Variants in MAPK14 observed in about 807,000 individuals in gnomAD.
The protein encoded by MAPK14 is mitogen-activated protein kinase 14, also known as CSAID-binding protein.
In MAPK14, 16 loss-of-function variants were observed where a neutral mutation model predicts 49.6. The ratio of observed to expected loss-of-function variants is 0.32; its 90% CI spans 0.22 to 0.49. MAPK14 has a LOEUF of 0.49. Among genes scored for constraint, MAPK14 ranks in the 20% least tolerant of loss-of-function variants. The pLI is 0.99. For missense variants in MAPK14, 200 were observed against 441.2 expected (o/e 0.45, Z 4.90); for synonymous variants, 142 against 158.0 (o/e 0.90, Z 0.76).
At chr6:36,088,405 T>A (rs935542253) in intron 8 of MAPK14, among the ~76,000 whole-genome samples, 3 of 151,972 alleles carry the variant, frequency 2.0e-5, no homozygotes, top group Non-Finnish European at 2.9e-5. Context: ...TTTAAACAAA[T>A]TTACAAGGAA....
At chr6:36,114,705 G>T (rs774524183), downstream of MAPK14, among the ~76,000 whole-genome samples, 1 of 151,852 alleles carries the variant, frequency 6.6e-6, no homozygotes, top group Non-Finnish European at 1.5e-5. Flanking sequence ...TATTTTTAGG[G>T]GAAATATGTT....
intron 1 of MAPK14, among the ~76,000 whole-genome samples, chr6:36,042,474 ATCTTTTTTT>A (rs1762998561): frequency 8.2e-6 from 1 of 122,638 alleles, no homozygotes; most frequent in African/African-American, 3.0e-5. Flanking sequence ...GTGAAGGAAT[ATCTTTTTTT>A]TTTTTTTTTT....
At position 36,047,669 on chromosome 6, in the gene MAPK14, C is replaced by A. The variant is rs117091294; in HGVS notation, c.117-5030C>A. Among the ~76,000 whole-genome samples the A allele has an allele frequency of 5.8e-4, 88 of 152,192 alleles. No homozygotes were observed. In the East Asian group the frequency reaches 0.016, roughly 28 times the overall value. ...ACAAGGTTGAGCAGCTTCAGCCTTC[C>A]TGGGCTCAAGCAATCTTCCTGCCTC... is the stretch of plus-strand genomic sequence containing the variant. On this transcript the variant is annotated intron_variant, in intron 1 of 11. Transcript: ENST00000229794.
chr6:36,042,479 T>A (rs1763000192), intron 1 of MAPK14, among the ~76,000 whole-genome samples: 1 of 105,094 alleles, frequency 9.5e-6, no homozygotes, highest in East Asian at 2.6e-4. Context: ...GGAATATCTT[T>A]TTTTTTTTTT....
intron 9 of MAPK14, among the ~76,000 whole-genome samples, chr6:36,101,920 T>G (rs1439168887): frequency 1.3e-5 from 2 of 152,222 alleles, no homozygotes; most frequent in African/African-American, 4.8e-5. Flanking sequence ...GTGGTTAAGA[T>G]AGACAGCAGA....
chr6:36,124,144 C>G, the MAPK14 span, among the ~76,000 whole-genome samples: 90 of 108,784 alleles, frequency 8.3e-4, 1 homozygote, highest in Admixed American at 4.5e-3. Context: ...CCCTCCCTCC[C>G]TCCCTCCCTT....
chr6:36,114,726 T>A (rs1199919619), downstream of MAPK14, among the ~76,000 whole-genome samples: 1 of 152,020 alleles, frequency 6.6e-6, no homozygotes, highest in African/African-American at 2.4e-5. Context: ...TGGTACTGAA[T>A]AAAGGTCATT....
intron 2 of MAPK14, among the ~76,000 whole-genome samples, chr6:36,054,555 T>C (rs1247200016): frequency 6.6e-6 from 1 of 152,212 alleles, no homozygotes; most frequent in East Asian, 1.9e-4. Flanking sequence ...TAGATATCAG[T>C]GATTTGTTAT....
chr6:36,039,364 T>C (rs976886687), intron 1 of MAPK14, among the ~76,000 whole-genome samples: 7 of 152,220 alleles, frequency 4.6e-5, no homozygotes, highest in African/African-American at 1.7e-4. Context: ...CCTGAACATG[T>C]TGGCTCCTGT....
In MAPK14 at chr6:36,067,303, C is replaced by G. The variant is rs374563248; in HGVS notation, c.306-5570C>G. ...TAATTCACTTCTTCCTAAGTCTGTG[C>G]TGGGACCCTCTCCTGTGTGTTCTCC... On this transcript the variant is annotated intron_variant, in intron 3 of 11. Coordinates refer to ENST00000229794, the MANE Select transcript of MAPK14 (RefSeq NM_139012.3). Among the ~76,000 whole-genome samples, 180 of 152,254 alleles carry G rather than the reference C, an allele frequency of 1.2e-3. 3 individuals carry two copies. The South Asian group carries it at 0.036, about 30-fold the overall frequency.
intron 5 of MAPK14, 62 bp from the exon 6 acceptor site, chr6:36,073,987 T>C (rs1764415608): frequency 8.2e-7 from 1 of 1,214,412 alleles, no homozygotes; most frequent in Non-Finnish European, 1.2e-6. Context: ...TTATTACCTG[T>C]AGGGGGAGAA....
chr6:36,115,927 CAAAAA>C (rs60613902), downstream of MAPK14, among the ~76,000 whole-genome samples: 3 of 106,354 alleles, frequency 2.8e-5, no homozygotes, highest in Admixed American at 2.0e-4. Flanking sequence ...GACTCCGTCT[CAAAAA>C]AAAAAAAAAA....
chr6:36,088,461 G>T (rs564786437), intron 8 of MAPK14, among the ~76,000 whole-genome samples: 1 of 152,294 alleles, frequency 6.6e-6, no homozygotes, highest in African/African-American at 2.4e-5. Flanking sequence ...AGTGACTCAT[G>T]CCTGTAATCC....
At position 36,085,351 on chromosome 6, in the gene MAPK14, C is replaced by G. The variant is rs1352759058; in HGVS notation, c.682+8743C>G. 2.6e-5 allele frequency among the ~76,000 whole-genome samples: 4 copies of G among 151,988 alleles called. No homozygotes were observed. The East Asian group carries it at 7.7e-4, about 29-fold the overall frequency. On this transcript the variant is annotated intron_variant, in intron 8 of 11. Transcript: ENST00000229794. ...CTTAAATGTAAGTGGGCTAAATGCC[C>G]CAATTAAAAAACACAGAACGGCAAG...
intron 1 of MAPK14, among the ~76,000 whole-genome samples, chr6:36,044,099 C>T (rs192476524): frequency 5.5e-4 from 84 of 152,112 alleles, no homozygotes; most frequent in Non-Finnish European, 9.7e-4. Context: ...CGTGAGCCAC[C>T]GCACCCGGCC....
chr6:36,047,117 G>C (rs1164394015), intron 1 of MAPK14, among the ~76,000 whole-genome samples: 3 of 152,186 alleles, frequency 2.0e-5, no homozygotes, highest in Non-Finnish European at 4.4e-5. Context: ...CTAATTTATG[G>C]GTTTGTAGGA....
chr6:36,059,497 G>A (rs189724892), intron 3 of MAPK14, 150 bp downstream of exon 3: 37 of 648,916 alleles, frequency 5.7e-5, no homozygotes, highest in Admixed American at 2.9e-4. Flanking sequence ...ATGGATACCA[G>A]AAGATGTATG....
chr6:36,064,316 G>C (rs971908157), intron 3 of MAPK14, among the ~76,000 whole-genome samples: 2 of 133,952 alleles, frequency 1.5e-5, no homozygotes, highest in Admixed American at 9.7e-5. Context: ...CTTTGCGCAA[G>C]CATAGTAGAC....
At chr6:36,124,150 CCCTT>C in the MAPK14 span, among the ~76,000 whole-genome samples, 29 of 28,902 alleles carry the variant, frequency 1.0e-3, no homozygotes, top group East Asian at 1.5e-3. Context: ...CTCCCTCCCT[CCCTT>C]CCTTCCTTCC....
Sources: gnomAD v4.1 joint callset for allele counts (sites outside exome capture counted in the v4.1 genomes callset) on GRCh38, gnomAD v4.1.1 for gene constraint, MANE v1.5 for transcripts, NCBI Gene and HGNC (gene_info 2026-07-23, HGNC 2026-07-21) for gene names.